Variants in FOXP2 observed in about 807,000 individuals in gnomAD.
The protein encoded by FOXP2 is forkhead box protein P2.
Under a neutral mutation model 115.8 loss-of-function variants are expected in FOXP2, and 12 were observed. The ratio of observed to expected loss-of-function variants is 0.10; its 90% CI spans 0.07 to 0.17. The LOEUF (loss-of-function observed/expected upper bound fraction) is 0.17. Among genes scored for constraint, FOXP2 ranks in the 10% least tolerant of loss-of-function variants. FOXP2 has a pLI of 1.00. For missense variants in FOXP2, 629 were observed against 843.5 expected (o/e 0.75, Z 3.15); for synonymous variants, 328 against 297.7 (o/e 1.10, Z -1.05).
At chr7:114,689,534 C>A (rs539393685) in intron 16 of FOXP2, among the ~76,000 whole-genome samples, 2 of 152,058 alleles carry the variant, frequency 1.3e-5, no homozygotes, top group African/African-American at 4.8e-5. Flanking sequence ...TGCTGAGAAA[C>A]GGATGTTTTA....
chr7:114,194,031 G>T (rs1403635083), intron 1 of FOXP2, among the ~76,000 whole-genome samples: 1 of 151,592 alleles, frequency 6.6e-6, no homozygotes, highest in African/African-American at 2.4e-5. Context: ...GTAACCCTGT[G>T]CTTTGGAAAT....
At chr7:114,595,732 G>T (rs1057227181) in intron 3 of FOXP2, among the ~76,000 whole-genome samples, 2 of 151,910 alleles carry the variant, frequency 1.3e-5, no homozygotes, top group South Asian at 4.1e-4. Flanking sequence ...AGTCAAAAAA[G>T]GTGTAAGGAT....
intron 2 of FOXP2, among the ~76,000 whole-genome samples, chr7:114,465,397 A>T (rs1419687012): frequency 1.3e-5 from 2 of 152,190 alleles, no homozygotes; most frequent in African/African-American, 4.8e-5. Flanking sequence ...GTATCAGACA[A>T]TTTGGAAGGC....
At chr7:114,270,282 A>T (rs1202481965) in intron 1 of FOXP2, among the ~76,000 whole-genome samples, 2 of 152,204 alleles carry the variant, frequency 1.3e-5, no homozygotes, top group Admixed American at 6.6e-5. Context: ...TACTATAAGC[A>T]TCTGTCTTCA....
intron 2 of FOXP2, among the ~76,000 whole-genome samples, chr7:114,511,199 C>CT (rs1055339091): frequency 1.3e-5 from 2 of 151,894 alleles, no homozygotes; most frequent in African/African-American, 4.8e-5. Flanking sequence ...CCACCAGGGC[C>CT]TGTCAGGGGG....
At chr7:114,580,282 G>A (rs116551704) in intron 3 of FOXP2, among the ~76,000 whole-genome samples, 255 of 152,224 alleles carry the variant, frequency 1.7e-3, no homozygotes, top group African/African-American at 5.8e-3. Flanking sequence ...AAATAAGACA[G>A]ATTTAAGAAA....
intron 3 of FOXP2, among the ~76,000 whole-genome samples, chr7:114,600,246 G>A (rs1308474716): frequency 6.6e-6 from 1 of 152,106 alleles, no homozygotes; most frequent in East Asian, 1.9e-4. Context: ...GCCTTTTCCA[G>A]AATGTCTTAT....
At chr7:114,673,295 T>A (rs1488507455) in intron 16 of FOXP2, among the ~76,000 whole-genome samples, 1 of 152,222 alleles carries the variant, frequency 6.6e-6, no homozygotes, top group East Asian at 1.9e-4. Flanking sequence ...GTACCAATTG[T>A]ATCTCAGTGG....
chr7:114,176,262 C>CTT (rs1491397185), intron 1 of FOXP2, among the ~76,000 whole-genome samples: 13 of 130,070 alleles, frequency 1.0e-4, no homozygotes, highest in African/African-American at 4.8e-4. Context: ...CTCTCTCTTT[C>CTT]CCTTTCTTTC....
chr7:114,239,014 T>G (rs1306510543), intron 1 of FOXP2, among the ~76,000 whole-genome samples: 1 of 150,046 alleles, frequency 6.7e-6, no homozygotes, highest in East Asian at 1.9e-4. Flanking sequence ...AAGCATTCTT[T>G]AGAAACAGCA....
intron 2 of FOXP2, among the ~76,000 whole-genome samples, chr7:114,379,550 C>T (rs943987284): frequency 2.6e-5 from 4 of 152,070 alleles, no homozygotes; most frequent in African/African-American, 9.7e-5. Context: ...CCTTCGACAT[C>T]ATTAACATCA....
intron 3 of FOXP2, among the ~76,000 whole-genome samples, chr7:114,547,128 TTGTC>T (rs958029189): frequency 5.3e-4 from 80 of 152,334 alleles, no homozygotes; most frequent in African/African-American, 1.8e-3. Flanking sequence ...TATTACTACT[TTGTC>T]TGCTTCCGTT....
chr7:114,688,470 C>T (rs1394223166), intron 16 of FOXP2, among the ~76,000 whole-genome samples: 1 of 152,064 alleles, frequency 6.6e-6, no homozygotes, highest in African/African-American at 2.4e-5. Flanking sequence ...AAGAATGTAG[C>T]CCAAGAGATG....
chr7:114,556,895 T>G (rs1562996743), intron 3 of FOXP2, among the ~76,000 whole-genome samples: 1 of 152,220 alleles, frequency 6.6e-6, no homozygotes, highest in Non-Finnish European at 1.5e-5. Flanking sequence ...TTAGTAACTT[T>G]AAAGATCTTT....
chr7:114,493,975 T>C (rs1195332201), intron 2 of FOXP2, among the ~76,000 whole-genome samples: 6 of 151,980 alleles, frequency 3.9e-5, no homozygotes, highest in Admixed American at 3.9e-4. Context: ...TGTTCTATAA[T>C]TCTAATGTCA....
chr7:114,282,059 G>C (rs1205654315), intron 1 of FOXP2, among the ~76,000 whole-genome samples: 4 of 152,136 alleles, frequency 2.6e-5, no homozygotes, highest in Non-Finnish European at 5.9e-5. Context: ...GGTAATTAAA[G>C]TACCTATGCT....
intron 2 of FOXP2, among the ~76,000 whole-genome samples, chr7:114,346,160 A>G: frequency 6.6e-6 from 1 of 151,950 alleles, no homozygotes. Context: ...GTTTAAAATA[A>G]TTTATCAGGA....
At chr7:114,683,429 T>A (rs977293324) in intron 16 of FOXP2, among the ~76,000 whole-genome samples, 4 of 152,172 alleles carry the variant, frequency 2.6e-5, no homozygotes, top group African/African-American at 7.2e-5. Context: ...TTGTCTTTGC[T>A]GTGCCTGTAT....
chr7:114,616,797 T>A (rs2129321015), intron 3 of FOXP2, among the ~76,000 whole-genome samples: 1 of 152,332 alleles, frequency 6.6e-6, no homozygotes, highest in Admixed American at 6.5e-5. Context: ...ACATATGGGC[T>A]GGTATAGTGG....
Sources: allele counts gnomAD v4.1 joint callset (sites outside exome capture counted in the v4.1 genomes callset), GRCh38; gene constraint gnomAD v4.1.1; transcripts MANE v1.5; gene names NCBI Gene and HGNC (gene_info 2026-07-23, HGNC 2026-07-21).